PDS5B: variants seen among roughly 807,000 people sequenced by gnomAD.
The protein encoded by PDS5B is PDS5 cohesin associated factor B.
Under a neutral mutation model 184.1 loss-of-function variants are expected in PDS5B, and 51 were observed. The ratio of observed to expected loss-of-function variants is 0.28; its 90% CI spans 0.22 to 0.35. PDS5B has a LOEUF of 0.35. Ranked by LOEUF, PDS5B falls within the 10% of genes least tolerant of loss-of-function variation. The pLI is 1.00. For missense variants in PDS5B, 1,180 were observed against 1,723.3 expected, an observed-to-expected ratio of 0.68 and a Z score of 5.58; for synonymous variants, 566 against 569.2, an observed-to-expected ratio of 0.99 and a Z score of 0.08.
At chr13:32,708,558 TTTTACCGA>T (rs1952102302) in intron 18 of PDS5B, among the ~76,000 whole-genome samples, 1 of 152,136 alleles carries the variant, frequency 6.6e-6, no homozygotes, top group Admixed American at 6.6e-5. Flanking sequence ...TACAGGGAAA[TTTTACCGA>T]TATATAATCC....
chr13:32,755,885 A>C lies in PDS5B; in HGVS notation c.2985A>C (p.Thr995=). 1 of 1,578,854 alleles carries C rather than the reference A, an allele frequency of 6.3e-7. No homozygotes were observed. The highest frequency in any genetic ancestry group is 8.7e-7 in the Non-Finnish European group (1 of 1,153,288). ...SLLPEYVVPY[T]IHLLAHDPDY... ...TACCAGAGTATGTTGTTCCATATAC[A>C]ATTCACCTTTTGGCACATGACCCAG... Residue 995 remains threonine, a synonymous_variant, in exon 26 of 35, where the codon ACA becomes ACC. Coordinates refer to ENST00000315596, the MANE Select transcript of PDS5B (RefSeq NM_015032.4).
intron 5 of PDS5B, among the ~76,000 whole-genome samples, chr13:32,658,911 A>T (rs968922561): frequency 6.1e-5 from 9 of 148,620 alleles, no homozygotes; most frequent in African/African-American, 2.2e-4. Flanking sequence ...CTTTTGATGT[A>T]ATTACTTTTG....
intron 33 of PDS5B, among the ~76,000 whole-genome samples, chr13:32,771,701 C>T (rs1954791875): frequency 6.6e-6 from 1 of 152,030 alleles, no homozygotes; most frequent in Admixed American, 6.6e-5. Flanking sequence ...AAGGTAAGTA[C>T]ATTTTTGTGG....
intron 13 of PDS5B, chr13:32,690,888 T>G (rs142972906): frequency 6.6e-4 from 100 of 152,252 alleles, no homozygotes; most frequent in African/African-American, 2.3e-3. Flanking sequence ...ATATATCATT[T>G]TTTAGATGAT....
At chr13:32,614,297 ATTT>A (rs34622192) in intron 1 of PDS5B, among the ~76,000 whole-genome samples, 9 of 136,972 alleles carry the variant, frequency 6.6e-5, no homozygotes, top group Admixed American at 7.4e-5. Context: ...TCACATTGGA[ATTT>A]TTTTTTTTTT....
At chr13:32,673,399 G>T in intron 8 of PDS5B, 43 bp downstream of exon 8, 1 of 1,511,180 alleles carries the variant, frequency 6.6e-7, no homozygotes, top group Non-Finnish European at 9.1e-7. Context: ...CAAGTTATTA[G>T]CAAAGAGCAT....
At chr13:32,638,968 G>A (rs1157879045) in intron 1 of PDS5B, among the ~76,000 whole-genome samples, 2 of 152,020 alleles carry the variant, frequency 1.3e-5, no homozygotes, top group Admixed American at 1.3e-4. Flanking sequence ...GGGGCGTGGG[G>A]CGGGGGCGGC....
At chr13:32,654,646 T>G (rs1950454389) in intron 3 of PDS5B, among the ~76,000 whole-genome samples, 1 of 152,162 alleles carries the variant, frequency 6.6e-6, no homozygotes, top group African/African-American at 2.4e-5. Flanking sequence ...GGTAAAAGCA[T>G]GGTTCCCAAT....
intron 1 of PDS5B, among the ~76,000 whole-genome samples, chr13:32,614,112 A>G (rs138108602): frequency 6.6e-6 from 1 of 152,054 alleles, no homozygotes; most frequent in East Asian, 1.9e-4. Flanking sequence ...CCAGTGCTGT[A>G]CTGTCTTAGT....
Position 32,710,035 on chromosome 13 carries a change from A to G in PDS5B, c.2052A>G (p.Val684=). ...GTCTGAAAATGGATGATGAAAAAGTAGCAGAAGCTGCACTACAAATTTTCA... is the reference window on the plus strand; with the variant it reads ...GTCTGAAAATGGATGATGAAAAAGTGGCAGAAGCTGCACTACAAATTTTCA... ...LACLKMDDEK[V]AEAALQIFKN... is the part of the protein sequence containing the mutation. Residue 684 remains valine, a synonymous_variant, in exon 19 of 35, where the codon GTA becomes GTG. Transcript: ENST00000315596. The G allele has an allele frequency of 6.5e-7, 1 of 1,548,412 alleles. No individual in the cohort carries two copies. Among genetic ancestry groups the G allele is most frequent in the Non-Finnish European group, 8.8e-7 (1 of 1,137,426 alleles).
intron 22 of PDS5B, among the ~76,000 whole-genome samples, chr13:32,742,382 CTA>C (rs1953588825): frequency 6.6e-6 from 1 of 152,102 alleles, no homozygotes; most frequent in Non-Finnish European, 1.5e-5. Flanking sequence ...AAAGAACAAA[CTA>C]GTCTTTAGTC....
intron 19 of PDS5B, among the ~76,000 whole-genome samples, chr13:32,723,176 C>T (rs1238446282): frequency 6.6e-6 from 1 of 152,014 alleles, no homozygotes; most frequent in African/African-American, 2.4e-5. Flanking sequence ...CAATATTTGA[C>T]AAATGAGGTT....
intron 19 of PDS5B, among the ~76,000 whole-genome samples, chr13:32,731,110 CTG>C (rs1292708066): frequency 6.6e-6 from 1 of 151,982 alleles, no homozygotes; most frequent in African/African-American, 2.4e-5. Flanking sequence ...GCCTGTTTTT[CTG>C]TGTTTTTGTT....
chr13:32,658,579 T>G (rs1465143305), intron 5 of PDS5B, 48 bp downstream of exon 5: 3 of 975,488 alleles, frequency 3.1e-6, no homozygotes, highest in Non-Finnish European at 3.1e-6. Flanking sequence ...GGTAACAAAT[T>G]TTGAACTTGT....
intron 19 of PDS5B, among the ~76,000 whole-genome samples, chr13:32,715,117 G>A (rs919985067): frequency 7.2e-5 from 11 of 152,182 alleles, no homozygotes; most frequent in African/African-American, 2.7e-4. Flanking sequence ...CTGCAACATA[G>A]TTAGGTCAGC....
chr13:32,697,959 A>C (rs567238004), intron 15 of PDS5B, among the ~76,000 whole-genome samples: 1 of 152,176 alleles, frequency 6.6e-6, no homozygotes, highest in East Asian at 1.9e-4. Context: ...AAGTGCTGGG[A>C]TTACAGGTGT....
At chr13:32,695,873 A>G (rs1951687407) in intron 14 of PDS5B, among the ~76,000 whole-genome samples, 1 of 152,022 alleles carries the variant, frequency 6.6e-6, no homozygotes, top group African/African-American at 2.4e-5. Context: ...TACAGTGTGG[A>G]ATTTTCTTTT....
chr13:32,744,418 C>G (rs1953672812), intron 23 of PDS5B, among the ~76,000 whole-genome samples: 2 of 152,070 alleles, frequency 1.3e-5, no homozygotes, highest in African/African-American at 4.8e-5. Context: ...GTGGGGGTCT[C>G]TGTCCTTTCC....
At chr13:32,683,441 C>T (rs1951304410) in intron 10 of PDS5B, among the ~76,000 whole-genome samples, 1 of 151,898 alleles carries the variant, frequency 6.6e-6, no homozygotes, top group South Asian at 2.1e-4. Context: ...CTGTCTCAGC[C>T]TCCCAAGTAG....
Sources: allele counts gnomAD v4.1 joint callset (sites outside exome capture counted in the v4.1 genomes callset), GRCh38; gene constraint gnomAD v4.1.1; transcripts MANE v1.5; gene names NCBI Gene and HGNC (gene_info 2026-07-23, HGNC 2026-07-21).